OXR1: variants seen among roughly 807,000 people sequenced by gnomAD.
OXR1 encodes the protein oxidation resistance 1, also known as oxidation resistance protein 1.
Under a neutral mutation model 104.6 loss-of-function variants are expected in OXR1, and 41 were observed. That is an observed-to-expected ratio of 0.39 (90% CI 0.31 to 0.51). OXR1 has a LOEUF of 0.51. Ranked by LOEUF, OXR1 falls within the 20% of genes least tolerant of loss-of-function variation. OXR1 has a pLI of 0.77. For missense variants in OXR1, 955 were observed against 1,031.9 expected (o/e 0.93, Z 1.02); for synonymous variants, 348 against 348.4 (o/e 1.00, Z 0.01).
intron 3 of OXR1, among the ~76,000 whole-genome samples, chr8:106,544,896 T>TTTA (rs1815233639): frequency 6.6e-6 from 1 of 152,142 alleles, no homozygotes; most frequent in Admixed American, 6.5e-5. Flanking sequence ...CTTATTAGAG[T>TTTA]TTATTACTGC....
At chr8:106,658,050 C>T in intron 3 of OXR1, 1 of 1,248,662 alleles carries the variant, frequency 8.0e-7, no homozygotes, top group African/African-American at 1.5e-5. Context: ...GGCCAACCGC[C>T]TGTTGGGGTT....
intron 3 of OXR1, among the ~76,000 whole-genome samples, chr8:106,608,953 C>G (rs1820604459): frequency 6.6e-6 from 1 of 152,166 alleles, no homozygotes; most frequent in Non-Finnish European, 1.5e-5. Flanking sequence ...AATTCTGCTA[C>G]TCCTTAAAGG....
At chr8:106,715,823 T>C (rs907063814) in intron 11 of OXR1, among the ~76,000 whole-genome samples, 5 of 152,146 alleles carry the variant, frequency 3.3e-5, no homozygotes, top group African/African-American at 9.7e-5. Context: ...CTCTGCAGGG[T>C]ATAATTTCTA....
chr8:106,337,566 A>G (rs1022806059), intron 1 of OXR1, among the ~76,000 whole-genome samples: 6 of 152,188 alleles, frequency 3.9e-5, no homozygotes, highest in Non-Finnish European at 8.8e-5. Context: ...TGTTGTCCCC[A>G]TAGGAAACTC....
At chr8:106,527,982 C>T (rs1813816027) in intron 3 of OXR1, among the ~76,000 whole-genome samples, 1 of 152,208 alleles carries the variant, frequency 6.6e-6, no homozygotes, top group East Asian at 1.9e-4. Context: ...AAGTGCTAGT[C>T]TATACCATTG....
At chr8:106,748,066 A>T (rs1007055261) in intron 16 of OXR1, among the ~76,000 whole-genome samples, 1 of 152,194 alleles carries the variant, frequency 6.6e-6, no homozygotes, top group African/African-American at 2.4e-5. Flanking sequence ...ATGGATTCAG[A>T]TATCTCTTTA....
chr8:106,323,369 T>C (rs10092198), intron 1 of OXR1, among the ~76,000 whole-genome samples: 94,972 of 152,064 alleles, frequency 0.62, 30,101 homozygotes, highest in African/African-American at 0.74. Context: ...CAAAAGTCAA[T>C]TCAAGTTGGA....
intron 2 of OXR1, among the ~76,000 whole-genome samples, chr8:106,371,563 C>A (rs79572516): frequency 6.6e-6 from 1 of 152,128 alleles, no homozygotes; most frequent in African/African-American, 2.4e-5. Flanking sequence ...ACACTGCTTT[C>A]GCTATGTCCC....
chr8:106,556,914 G>A (rs565059727), intron 3 of OXR1, among the ~76,000 whole-genome samples: 34 of 152,254 alleles, frequency 2.2e-4, no homozygotes, highest in Admixed American at 1.9e-3. Context: ...GCTTTGAGCC[G>A]TGGCTTCTTG....
At chr8:106,711,824 C>G (rs960081358) in intron 10 of OXR1, among the ~76,000 whole-genome samples, 3 of 152,038 alleles carry the variant, frequency 2.0e-5, no homozygotes, top group African/African-American at 7.2e-5. Context: ...TTTAGGGAAC[C>G]TGAATTTTTA....
intron 7 of OXR1, among the ~76,000 whole-genome samples, chr8:106,696,202 A>T (rs546111323): frequency 1.6e-4 from 25 of 152,112 alleles, no homozygotes; most frequent in African/African-American, 5.8e-4. Context: ...TTAGAGTGTC[A>T]TATAGTTGGA....
At chr8:106,687,015 A>G (rs764159492) in intron 6 of OXR1, among the ~76,000 whole-genome samples, 2 of 152,194 alleles carry the variant, frequency 1.3e-5, no homozygotes, top group East Asian at 1.9e-4. Flanking sequence ...TTTATGAGGT[A>G]GGCACTTGGC....
chr8:106,563,782 A>G (rs1478239210), intron 3 of OXR1, among the ~76,000 whole-genome samples: 4 of 152,192 alleles, frequency 2.6e-5, no homozygotes, highest in Admixed American at 2.6e-4. Flanking sequence ...AAATCATAAC[A>G]AACAGTCTCT....
intron 1 of OXR1, among the ~76,000 whole-genome samples, chr8:106,312,763 G>T (rs916279067): frequency 3.3e-5 from 5 of 152,182 alleles, no homozygotes; most frequent in Non-Finnish European, 5.9e-5. Context: ...ACCCCAACTT[G>T]TGTAATTTGT....
intron 2 of OXR1, among the ~76,000 whole-genome samples, chr8:106,442,074 T>C (rs1819808674): frequency 6.6e-6 from 1 of 152,188 alleles, no homozygotes; most frequent in South Asian, 2.1e-4. Context: ...TCTTATTATT[T>C]TGAGATATGT....
intron 2 of OXR1, among the ~76,000 whole-genome samples, chr8:106,390,362 G>A (rs1233436873): frequency 1.3e-5 from 2 of 152,172 alleles, no homozygotes; most frequent in African/African-American, 4.8e-5. Context: ...GAAGGGGAGT[G>A]TATGGAATAA....
intron 10 of OXR1, 95 bp downstream of exon 10, chr8:106,710,885 C>T (rs1482658539): frequency 1.3e-6 from 1 of 786,686 alleles, no homozygotes; most frequent in Non-Finnish European, 1.8e-6. Context: ...ACTATTGAAA[C>T]ATAGTTTATG....
intron 11 of OXR1, chr8:106,726,204 T>C: frequency 6.6e-7 from 1 of 1,511,420 alleles, no homozygotes; most frequent in Non-Finnish European, 8.8e-7. Context: ...AAAACAGTTC[T>C]TACGTGATTT....
At chr8:106,508,748 G>A (rs16874805) in intron 2 of OXR1, among the ~76,000 whole-genome samples, 3,083 of 152,262 alleles carry the variant, frequency 0.02, 97 homozygotes, top group African/African-American at 0.069. Context: ...TTAAAATGTA[G>A]CTAAGAATCA....
Sources: gnomAD v4.1 joint callset for allele counts (sites outside exome capture counted in the v4.1 genomes callset) on GRCh38, gnomAD v4.1.1 for gene constraint, MANE v1.5 for transcripts, NCBI Gene and HGNC (gene_info 2026-07-23, HGNC 2026-07-21) for gene names.